Variants in LPP observed in about 807,000 individuals in gnomAD.
LPP encodes lipoma-preferred partner.
In LPP, 38 loss-of-function variants were observed where a neutral mutation model predicts 60.4. The ratio of observed to expected loss-of-function variants is 0.63; its 90% confidence interval spans 0.49 to 0.83. LPP has a LOEUF of 0.83. Ranked by LOEUF, LPP falls within the 40% of genes least tolerant of loss-of-function variation. The pLI, the probability that LPP is intolerant of heterozygous loss-of-function variation, is 0.00. For synonymous variants in LPP, 328 were observed against 290.8 expected (o/e 1.13, Z -1.30); for missense variants, 902 against 783.6 (o/e 1.15, Z -1.80).
chr3:188,506,039 G>T (rs1391724038), intron 5 of LPP, among the ~76,000 whole-genome samples: 1 of 151,960 alleles, frequency 6.6e-6, no homozygotes, highest in Non-Finnish European at 1.5e-5. Context: ...AATTTTTCTT[G>T]TGTCTTTCTC....
At chr3:188,169,810 G>A (rs987366625) in intron 1 of LPP, among the ~76,000 whole-genome samples, 3 of 152,186 alleles carry the variant, frequency 2.0e-5, no homozygotes, top group South Asian at 2.1e-4. Context: ...AGCCCAGAAG[G>A]GGTACTCAGA....
intron 9 of LPP, among the ~76,000 whole-genome samples, chr3:188,815,518 G>T (rs1752217698): frequency 6.7e-6 from 1 of 149,396 alleles, no homozygotes; most frequent in Non-Finnish European, 1.5e-5. Flanking sequence ...AATAATAGAT[G>T]ATTCTATCTC....
At chr3:188,540,370 C>A (rs1467663415) in intron 6 of LPP, among the ~76,000 whole-genome samples, 1 of 151,950 alleles carries the variant, frequency 6.6e-6, no homozygotes, top group Non-Finnish European at 1.5e-5. Flanking sequence ...GATATACAAC[C>A]CAATTATATG....
chr3:188,161,432 G>A (rs1045759634), intron 1 of LPP, among the ~76,000 whole-genome samples: 6 of 152,208 alleles, frequency 3.9e-5, no homozygotes, highest in Admixed American at 1.3e-4. Flanking sequence ...TTGTTTGACA[G>A]CTTATCCATC....
intron 7 of LPP, among the ~76,000 whole-genome samples, chr3:188,657,584 G>A (rs1477987573): frequency 1.3e-5 from 2 of 151,808 alleles, no homozygotes; most frequent in African/African-American, 2.4e-5. Flanking sequence ...ATGGGATTAG[G>A]TCTGTACTCC....
intron 5 of LPP, among the ~76,000 whole-genome samples, chr3:188,505,243 T>G (rs1048849507): frequency 4.6e-5 from 7 of 152,208 alleles, no homozygotes; most frequent in Non-Finnish European, 7.3e-5. Flanking sequence ...TTTGCCATAT[T>G]CTCAGAATCC....
rs373190675 is a variant in LPP at position 188,379,189 on chromosome 3, C to G, written c.-9-26923C>G. The stretch of plus-strand genomic sequence containing the variant: ...ACAAGTTTGGTTTTGTCTGAAAGCA[C>G]TGGTAGTTTAGTTGGTGAGGCAGCC... On this transcript the variant is annotated intron_variant, in intron 3 of 11. Transcript: ENST00000617246. 4.7e-4 allele frequency among the ~76,000 whole-genome samples: 72 copies of G among 152,108 alleles called. 1 individual carries two copies. In the South Asian group the frequency reaches 0.014, roughly 30 times the overall value.
chr3:188,620,778 A>T (rs1845663610), intron 7 of LPP, among the ~76,000 whole-genome samples: 1 of 152,128 alleles, frequency 6.6e-6, no homozygotes, highest in African/African-American at 2.4e-5. Context: ...GGGTATGAGG[A>T]TCTCATTTTC....
At chr3:188,475,857 T>C (rs906847847) in intron 4 of LPP, among the ~76,000 whole-genome samples, 1 of 152,122 alleles carries the variant, frequency 6.6e-6, no homozygotes, top group Non-Finnish European at 1.5e-5. Context: ...GAGCCGAGAT[T>C]GCGCCACTGC....
At chr3:188,770,755 C>A (rs1735685772) in intron 9 of LPP, among the ~76,000 whole-genome samples, 1 of 152,066 alleles carries the variant, frequency 6.6e-6, no homozygotes, top group Non-Finnish European at 1.5e-5. Context: ...TGGTATGAGG[C>A]AGTAAATGAT....
chr3:188,427,066 A>G (rs1789572818), intron 4 of LPP, among the ~76,000 whole-genome samples: 1 of 151,904 alleles, frequency 6.6e-6, no homozygotes, highest in Admixed American at 6.6e-5. Context: ...ACAATGCGCT[A>G]TGTTTTTGCA....
intron 2 of LPP, among the ~76,000 whole-genome samples, chr3:188,250,972 CCCTT>C (rs1193273921): frequency 3.0e-5 from 1 of 32,870 alleles, no homozygotes; most frequent in Non-Finnish European, 5.7e-5. Flanking sequence ...CCCTTCCCTT[CCCTT>C]CCCTCCCCTC....
intron 9 of LPP, among the ~76,000 whole-genome samples, chr3:188,863,802 G>A (rs1471867226): frequency 1.3e-5 from 2 of 152,012 alleles, no homozygotes; most frequent in Non-Finnish European, 1.5e-5. Flanking sequence ...TGCAGCATCT[G>A]TAGACCACAA....
chr3:188,655,552 G>C (rs1160098811), intron 7 of LPP, among the ~76,000 whole-genome samples: 1 of 152,136 alleles, frequency 6.6e-6, no homozygotes, highest in African/African-American at 2.4e-5. Flanking sequence ...TTATTTTGAA[G>C]ATAGTGTGAT....
chr3:188,349,891 A>C (rs1306811879), intron 3 of LPP, among the ~76,000 whole-genome samples: 2 of 152,364 alleles, frequency 1.3e-5, no homozygotes, highest in Non-Finnish European at 2.9e-5. Context: ...TCCTGAGCTC[A>C]CAAGCATGCT....
chr3:188,384,017 A>G (rs7626521), intron 3 of LPP, among the ~76,000 whole-genome samples: 5,306 of 152,236 alleles, frequency 0.035, 107 homozygotes, highest in African/African-American at 0.052. Flanking sequence ...CTCCTTAGAA[A>G]GAGATAAGTA....
chr3:188,387,941 T>C (rs1335514302), intron 3 of LPP, among the ~76,000 whole-genome samples: 1 of 152,072 alleles, frequency 6.6e-6, no homozygotes, highest in Non-Finnish European at 1.5e-5. Flanking sequence ...TTTTTTTAGC[T>C]TTAGTAGGAA....
intron 1 of LPP, among the ~76,000 whole-genome samples, chr3:188,154,941 C>A (rs1392419118): frequency 6.6e-6 from 1 of 152,146 alleles, no homozygotes; most frequent in Non-Finnish European, 1.5e-5. Flanking sequence ...TTTGGAGAGT[C>A]CTGCACTGAA....
At chr3:188,458,183 G>C (rs1293344233) in intron 4 of LPP, among the ~76,000 whole-genome samples, 1 of 152,150 alleles carries the variant, frequency 6.6e-6, no homozygotes, top group Non-Finnish European at 1.5e-5. Flanking sequence ...ACATTTTCCA[G>C]CTTCTGAAGA....
Sources: gnomAD v4.1 joint callset for allele counts (sites outside exome capture counted in the v4.1 genomes callset) on GRCh38, gnomAD v4.1.1 for gene constraint, MANE v1.5 for transcripts, NCBI Gene and HGNC (gene_info 2026-07-23, HGNC 2026-07-21) for gene names.